Variants in C8orf88 observed in about 807,000 individuals in gnomAD.
C8orf88 encodes uncharacterized protein C8orf88.
Under a neutral mutation model 18.4 loss-of-function variants are expected in C8orf88, and 14 were observed. That is an observed-to-expected ratio of 0.76 (90% CI 0.50 to 1.19). The LOEUF is 1.19. Ranked by LOEUF, C8orf88 falls within the 50% of genes most tolerant of loss-of-function variation. C8orf88 has a pLI of 0.00. For synonymous variants in C8orf88, 45 were observed against 42.9 expected (o/e 1.05, Z -0.19); for missense variants, 116 against 134.7 (o/e 0.86, Z 0.69).
Position 90,962,382 on chromosome 8 carries a change from A to C in C8orf88, c.224-1534T>G, listed in dbSNP as rs1158395283. ...AAATTCAAGAAATGGAGGTAAGTGA[A>C]GTCAGGGAAAATAGCCAAGTAGAGA... On this transcript the variant is annotated intron_variant, in intron 4 of 5. Coordinates refer to ENST00000517562, the MANE Select transcript of C8orf88 (RefSeq NM_001190972.2). 2.0e-5 allele frequency among the ~76,000 whole-genome samples: 3 copies of C among 151,690 alleles called. No individual in the cohort carries two copies. The East Asian group carries it at 5.8e-4, about 29-fold the overall frequency.
Position 90,960,739 on chromosome 8 carries a change from T to C in C8orf88, c.330+3A>G. ...TACAATACAAACTTAGAAAACTACTTACTGGTTTTTGCAGTACAATGGGAT... is the reference window on the plus strand; with the variant it reads ...TACAATACAAACTTAGAAAACTACTCACTGGTTTTTGCAGTACAATGGGAT... On this transcript the variant is annotated splice_donor_region_variant and intron_variant, in intron 5 of 5. Transcript: ENST00000517562. 6.7e-7 allele frequency: 1 copy of C among 1,502,420 alleles called. No individual in the cohort carries two copies. The highest frequency in any genetic ancestry group is 1.2e-5 in the South Asian group (1 of 80,680). 93.1% of individuals were successfully genotyped at this position (1,502,420 alleles called of 1,614,324 possible).
At position 90,965,933 on chromosome 8, in the gene C8orf88, T is replaced by C. The variant is rs1811188329; in HGVS notation, c.224-5085A>G. Among the ~76,000 whole-genome samples the C allele has an allele frequency of 6.6e-5, 10 of 151,226 alleles. No individual in the cohort carries two copies. The South Asian group carries it at 2.1e-3, about 31-fold the overall frequency. ...AATGTCTATATTAAAAAAGAAGAAA[T>C]AACTCCATATCTAACATTACACATT... On this transcript the variant is annotated intron_variant, in intron 4 of 5. Transcript: ENST00000517562.
At chr8:90,974,288 G>C (rs1273791733) in intron 3 of C8orf88, among the ~76,000 whole-genome samples, 3 of 152,106 alleles carry the variant, frequency 2.0e-5, no homozygotes, top group Non-Finnish European at 4.4e-5. Flanking sequence ...TCTATCTCCT[G>C]TCCCTTTGAA....
chr8:90,962,690 G>A (rs952158991), intron 4 of C8orf88, among the ~76,000 whole-genome samples: 5 of 151,500 alleles, frequency 3.3e-5, no homozygotes, highest in Admixed American at 2.6e-4. Context: ...AAAAAATTAT[G>A]ATTATTTGTT....
intron 1 of C8orf88, among the ~76,000 whole-genome samples, chr8:90,983,210 T>A (rs1811458897): frequency 6.6e-6 from 1 of 152,120 alleles, no homozygotes; most frequent in South Asian, 2.1e-4. Context: ...GGTTGTAAAA[T>A]GTAAATTTAA....
At chr8:90,978,760 G>A in intron 2 of C8orf88, 108 bp from the exon 3 acceptor site, 1 of 547,974 alleles carries the variant, frequency 1.8e-6, no homozygotes, top group South Asian at 3.4e-5. Context: ...GTTTTGAAAT[G>A]TGTTCTGATA....
chr8:90,964,327 C>T (rs1811165889), intron 4 of C8orf88, among the ~76,000 whole-genome samples: 1 of 151,680 alleles, frequency 6.6e-6, no homozygotes, highest in Non-Finnish European at 1.5e-5. Context: ...CAGCTGATTT[C>T]TCATCAGAAA....
Position 90,978,588 on chromosome 8 carries a change from TC to T in C8orf88, c.137del (p.Gly46GlufsTer40). 6.6e-7 allele frequency: 1 copy of T among 1,525,246 alleles called. No individual in the cohort carries two copies. The highest frequency in any genetic ancestry group is 8.8e-7 in the Non-Finnish European group (1 of 1,140,496). The allele number at this position is 1,525,246 out of a possible 1,614,324, so 94.5% of individuals were successfully genotyped here. On this transcript the variant is annotated frameshift_variant, in exon 3 of 6. Transcript: ENST00000517562. LOFTEE classifies it high-confidence loss of function. ...AATTTCTAAGACTTACTCTGCTAAC[TC>T]CACTTTGTATGCACTGAGTGTTGCA... The part of the protein sequence containing the change: ...YPCNTQCIQS[G>X]VSRCKTNGMQ...
At chr8:90,971,226 A>C in intron 3 of C8orf88, 85 bp from the exon 4 acceptor site, 1 of 654,456 alleles carries the variant, frequency 1.5e-6, no homozygotes, top group East Asian at 3.0e-5. Flanking sequence ...ATATTTTCCT[A>C]ATAATAAATG....
chr8:90,974,923 C>A (rs1811326247), intron 3 of C8orf88, among the ~76,000 whole-genome samples: 1 of 152,038 alleles, frequency 6.6e-6, no homozygotes, highest in Non-Finnish European at 1.5e-5. Context: ...AACAAAATCA[C>A]TATAAAAAAT....
In C8orf88 at chr8:90,977,759, T is replaced by C. The variant is rs4272340; in HGVS notation, c.147+820A>G. Among the ~76,000 whole-genome samples the C allele has an allele frequency of 8.6e-4, 131 of 152,156 alleles. 1 individual carries two copies. In the East Asian group the frequency reaches 0.016, roughly 19 times the overall value. On this transcript the variant is annotated intron_variant, in intron 3 of 5. Coordinates refer to ENST00000517562, the MANE Select transcript of C8orf88 (RefSeq NM_001190972.2). The stretch of plus-strand genomic sequence containing the variant: ...AAGTTCAAGACCAGCCTGGCCAATA[T>C]GGTGAAACCCCATCTGTACTAAAAA...
intron 4 of C8orf88, 30 bp downstream of exon 4, chr8:90,971,036 A>T (rs1811274093): frequency 1.5e-6 from 2 of 1,346,612 alleles, no homozygotes; most frequent in African/African-American, 1.5e-5. Context: ...ACATTCAATG[A>T]TAAAATTGGG....
At chr8:90,985,238 T>TGGC (rs1057502350), upstream of C8orf88, 1 of 50,338 alleles carries the variant, frequency 2.0e-5, no homozygotes, top group African/African-American at 7.1e-5. Flanking sequence ...CTGACCGCGG[T>TGGC]GGCGGCGGCG....
At chr8:90,976,324 C>A (rs1586164894) in intron 3 of C8orf88, among the ~76,000 whole-genome samples, 1 of 152,056 alleles carries the variant, frequency 6.6e-6, no homozygotes, top group East Asian at 1.9e-4. Flanking sequence ...GTATCTCTAA[C>A]ATAGGTTCTA....
chr8:90,980,036 C>A lies in C8orf88; in HGVS notation c.73+327G>T, dbSNP rs532619918. 5.3e-5 allele frequency among the ~76,000 whole-genome samples: 8 copies of A among 152,160 alleles called. No homozygotes were observed. The South Asian group carries it at 1.7e-3, about 32-fold the overall frequency. On this transcript the variant is annotated intron_variant, in intron 2 of 5. Coordinates refer to ENST00000517562, the MANE Select transcript of C8orf88 (RefSeq NM_001190972.2). ...TTCTCTCTCCAGCATGATTGCCCTG[C>A]AGTTATCATAATCACAGGGCACAGT...
At chr8:90,977,863 C>T (rs1811373907) in intron 3 of C8orf88, among the ~76,000 whole-genome samples, 2 of 152,098 alleles carry the variant, frequency 1.3e-5, no homozygotes, top group African/African-American at 4.8e-5. Context: ...AGGAGAATCG[C>T]TTGACCCCTG....
intron 1 of C8orf88, among the ~76,000 whole-genome samples, chr8:90,984,533 A>G (rs1020514693): frequency 5.3e-5 from 8 of 152,208 alleles, no homozygotes; most frequent in African/African-American, 1.4e-4. Context: ...GAGTTCCAAC[A>G]TATCTTCCAT....
At chr8:90,972,684 A>T (rs1811299284) in intron 3 of C8orf88, among the ~76,000 whole-genome samples, 1 of 152,120 alleles carries the variant, frequency 6.6e-6, no homozygotes, top group Non-Finnish European at 1.5e-5. Flanking sequence ...AAGTGCTATG[A>T]TCACTATGTT....
At chr8:90,967,400 G>C (rs946059911) in intron 4 of C8orf88, among the ~76,000 whole-genome samples, 1 of 151,712 alleles carries the variant, frequency 6.6e-6, no homozygotes, top group African/African-American at 2.4e-5. Context: ...CTTTGCCTTT[G>C]GGTATCAGAA....
Sources: gnomAD v4.1 joint callset for allele counts (sites outside exome capture counted in the v4.1 genomes callset) on GRCh38, gnomAD v4.1.1 for gene constraint, MANE v1.5 for transcripts, NCBI Gene and HGNC (gene_info 2026-07-23, HGNC 2026-07-21) for gene names.